Variants in IFT46 observed in about 807,000 individuals in gnomAD.
IFT46 encodes the protein intraflagellar transport protein 46 homolog.
IFT46 carries 19 observed loss-of-function variants against 39.6 expected under a neutral mutation model. The ratio of observed to expected loss-of-function variants is 0.48; its 90% confidence interval spans 0.33 to 0.70. The LOEUF (loss-of-function observed/expected upper bound fraction) is 0.70, where lower values mean the gene tolerates loss of function less well. Among genes scored for constraint, IFT46 ranks in the 30% least tolerant of loss-of-function variants. IFT46 has a pLI of 0.01. For missense variants in IFT46, 334 were observed against 364.8 expected (o/e 0.92, Z 0.69); for synonymous variants, 117 against 134.8 (o/e 0.87, Z 0.91).
At chr11:118,573,854 G>T, upstream of IFT46, 1 of 514,388 alleles carries the variant, frequency 1.9e-6, no homozygotes, top group Non-Finnish European at 3.5e-6. Flanking sequence ...CCAGAAACTT[G>T]TATTTTCAGT....
Position 118,553,240 on chromosome 11 carries a change from G to A in IFT46, c.484-905C>T, listed in dbSNP as rs183045006. Among the ~76,000 whole-genome samples, 385 of 152,116 alleles carry A rather than the reference G, an allele frequency of 2.5e-3. 2 individuals carry two copies. The highest frequency in any genetic ancestry group is 8.8e-3 in the African/African-American group (366 of 41,512). ...GTGGATCACCTGAGGTCAGGAGTTC[G>A]AGACCAGCCTGACCAACATGGAGAA... is the stretch of plus-strand genomic sequence containing the variant. On this transcript the variant is annotated intron_variant, in intron 7 of 11. Transcript: ENST00000264021.
intron 2 of IFT46, chr11:118,560,235 A>G (rs533355557): frequency 5.5e-6 from 1 of 180,708 alleles, no homozygotes; most frequent in East Asian, 1.6e-4. Flanking sequence ...CAATATGGCA[A>G]GATCCCATCT....
chr11:118,545,471 T>C lies in IFT46; in HGVS notation c.757A>G (p.Lys253Glu). The C allele has an allele frequency of 6.2e-7, 1 of 1,613,620 alleles. No homozygotes were observed. Residue 253 changes from lysine (K) to glutamate (E), a missense_variant, in exon 11 of 12, where the codon AAG becomes GAG. Coordinates refer to ENST00000264021, the MANE Select transcript of IFT46 (RefSeq NM_001168618.2). ...AGATGGAGGGACTGGATCCGACTCT[T>C]GTAGACAGGGATGTCTAGAATGGCT... The part of the protein sequence containing the change: ...ICAILDIPVY[K>E]SRIQSLHLLF...
At chr11:118,572,669 T>C (rs557684543) in exon 1 of IFT46, 364 of 1,342,514 alleles carry the variant, frequency 2.7e-4, no homozygotes, top group Non-Finnish European at 1.2e-4. Context: ...CAGAGTGCTT[T>C]TGCTCCGGGC....
chr11:118,573,649 AC>A, upstream of IFT46: 4 of 702,726 alleles, frequency 5.7e-6, no homozygotes, highest in Non-Finnish European at 1.0e-5. Context: ...CGTCCAGTGT[AC>A]CTGAGAGATG....
chr11:118,554,565 G>A lies in IFT46; in HGVS notation c.377C>T (p.Pro126Leu). The A allele has an allele frequency of 6.2e-7, 1 of 1,609,658 alleles. No individual in the cohort carries two copies. Among genetic ancestry groups the A allele is most frequent in the Non-Finnish European group, 8.5e-7 (1 of 1,178,874 alleles). ...CAATACCAATAGGCCAAGGTTGTCA[G>A]GCTTTCCATCAGGACGTGGGACCTG... ...FLKVPRPDGK[P>L]DNLGLLVLDE... The change falls in exon 7 of 12, where the codon CCT (proline) becomes CTT (leucine). Residue 126 changes from proline (P) to leucine (L), a missense_variant. Pro to Leu is a moderately conservative substitution (Grantham distance 98). Coordinates refer to ENST00000264021, the MANE Select transcript of IFT46 (RefSeq NM_001168618.2).
chr11:118,563,635 C>T (rs1434762266), intron 2 of IFT46, among the ~76,000 whole-genome samples: 1 of 152,118 alleles, frequency 6.6e-6, no homozygotes, highest in African/African-American at 2.4e-5. Flanking sequence ...CAGTCCATTC[C>T]ACACACGACA....
chr11:118,551,803 C>T lies in IFT46; in HGVS notation c.655G>A (p.Glu219Lys), dbSNP rs1555068518. Residue 219 changes from glutamate (E) to lysine (K), a missense_variant, in exon 9 of 12, where the codon GAA becomes AAA. By Grantham distance (56) the Glu-to-Lys change is moderately conservative (BLOSUM62 1). Coordinates refer to ENST00000264021, the MANE Select transcript of IFT46 (RefSeq NM_001168618.2). Reference protein sequence around the residue: ...TLMQEWSPEFEELLGKVSLPT... With the variant: ...TLMQEWSPEFKELLGKVSLPT... ...CCACTCACCTTGCCCAAAAGCTCTTCAAACTCCGGGGACCATTCCTGCATC... is the reference window on the plus strand; with the variant it reads ...CCACTCACCTTGCCCAAAAGCTCTTTAAACTCCGGGGACCATTCCTGCATC... The T allele has an allele frequency of 2.5e-6, 4 of 1,613,904 alleles. No individual in the cohort carries two copies. The highest frequency in any genetic ancestry group is 3.4e-6 in the Non-Finnish European group (4 of 1,179,870).
At chr11:118,545,747 T>C (rs1555066920) in intron 10 of IFT46, 46 bp downstream of exon 10, 1 of 1,571,064 alleles carries the variant, frequency 6.4e-7, no homozygotes, top group East Asian at 2.2e-5. Context: ...AAGCCTAGAG[T>C]GTCTCTATCC....
intron 3 of IFT46, among the ~76,000 whole-genome samples, chr11:118,559,457 T>G (rs1278366514): frequency 6.6e-6 from 1 of 152,208 alleles, no homozygotes; most frequent in Non-Finnish European, 1.5e-5. Context: ...TTCCCAGGCT[T>G]TTACTTTTGA....
At chr11:118,572,813 C>T (rs1391849413) in exon 1 of IFT46, 2 of 441,604 alleles carry the variant, frequency 4.5e-6, no homozygotes, top group Non-Finnish European at 8.1e-6. Context: ...GGGACCTGCC[C>T]CTGAGACGGC....
At position 118,554,728 on chromosome 11, in the gene IFT46, T is replaced by A. The variant is rs542996600; in HGVS notation, c.355-141A>T. On this transcript the variant is annotated intron_variant, in intron 6 of 11. Coordinates refer to ENST00000264021, the MANE Select transcript of IFT46 (RefSeq NM_001168618.2). Reference sequence around the variant, plus strand: ...CGCAATACTATCCAGAAAAAAAATATTATCCATAGCAGCTTAAATATGAAC... The same window carrying A: ...CGCAATACTATCCAGAAAAAAAATAATATCCATAGCAGCTTAAATATGAAC... 9.8e-6 allele frequency: 9 copies of A among 920,406 alleles called. No individual in the cohort carries two copies. In the East Asian group the frequency reaches 1.8e-4, roughly 19 times the overall value. 57.0% of individuals were successfully genotyped at this position (920,406 alleles called of 1,614,324 possible).
At chr11:118,558,983 A>T (rs1462753211) in intron 3 of IFT46, among the ~76,000 whole-genome samples, 4 of 145,400 alleles carry the variant, frequency 2.8e-5, no homozygotes, top group African/African-American at 1.0e-4. Flanking sequence ...GCACCTTGGG[A>T]GGCCTCCCAA....
chr11:118,565,881 A>G lies in IFT46; in HGVS notation c.-224T>C, dbSNP rs567876667. The G allele has an allele frequency of 3.9e-5, 6 of 152,754 alleles. No homozygotes were observed. The East Asian group carries it at 1.2e-3, about 29-fold the overall frequency. 9.5% of individuals were successfully genotyped at this position (152,754 alleles called of 1,614,324 possible). A position where few individuals can be genotyped will look rare whatever the true frequency, so the allele number is the denominator to read the frequency against. On this transcript the variant is annotated 5_prime_UTR_variant, in exon 1 of 12. Transcript: ENST00000264021. ...TCCAGTCTCAAAGCCAGGCCACTTT[A>G]GGATTCCACGCCAAGCAACCAGCCT...
chr11:118,559,850 C>G lies in IFT46; in HGVS notation c.-21G>C, dbSNP rs782420342. The G allele has an allele frequency of 1.9e-6, 3 of 1,608,300 alleles. No individual in the cohort carries two copies. The highest frequency in any genetic ancestry group is 1.7e-5 in the Admixed American group (1 of 59,968). On this transcript the variant is annotated 5_prime_UTR_variant, in exon 3 of 12. Coordinates refer to ENST00000264021, the MANE Select transcript of IFT46 (RefSeq NM_001168618.2). ...GCCATAGCCTTGTTAGGAAGATGGGCAGAACGAGGAAGTCCTTAGAAAAAA... is the reference window on the plus strand; with the variant it reads ...GCCATAGCCTTGTTAGGAAGATGGGGAGAACGAGGAAGTCCTTAGAAAAAA...
At chr11:118,557,082 T>TA (rs782192976) in intron 3 of IFT46, 37 bp from the exon 4 acceptor site, 20 of 1,524,192 alleles carry the variant, frequency 1.3e-5, no homozygotes, top group African/African-American at 2.8e-5. Context: ...AAGCTTCAAG[T>TA]AAAAAAATCA....
chr11:118,563,999 C>T (rs191076983), intron 2 of IFT46, among the ~76,000 whole-genome samples: 115 of 151,450 alleles, frequency 7.6e-4, no homozygotes, highest in Middle Eastern at 6.8e-3. Context: ...GTCAGGAGTT[C>T]GAGACCAGCC....
intron 2 of IFT46, chr11:118,561,621 T>C (rs781805358): frequency 4.4e-5 from 22 of 495,102 alleles, no homozygotes; most frequent in Non-Finnish European, 6.4e-5. Flanking sequence ...ATAAAGACGA[T>C]AAACATATGG....
chr11:118,552,067 C>A (rs1042431236), intron 8 of IFT46, 147 bp downstream of exon 8: 5 of 1,055,772 alleles, frequency 4.7e-6, no homozygotes, highest in Non-Finnish European at 4.2e-6. Context: ...TTTATGTCTA[C>A]AATCTCAGCC....
Sources: gnomAD v4.1 joint callset for allele counts (sites outside exome capture counted in the v4.1 genomes callset) on GRCh38, gnomAD v4.1.1 for gene constraint, MANE v1.5 for transcripts, NCBI Gene and HGNC (gene_info 2026-07-23, HGNC 2026-07-21) for gene names.